The following ARHGEF3 variants were observed in gnomAD, a reference collection of about 807,000 sequenced individuals.
ARHGEF3 encodes 59.8 kDA protein.
Under a neutral mutation model 63.2 loss-of-function variants are expected in ARHGEF3, and 28 were observed. The observed-to-expected ratio is 0.44, with a 90% CI of 0.33 to 0.61. The LOEUF is 0.61. Ranked by LOEUF, ARHGEF3 falls within the 20% of genes least tolerant of loss-of-function variation. ARHGEF3 has a pLI of 0.03. For missense variants in ARHGEF3, 533 were observed against 659.3 expected (o/e 0.81, Z 2.10); for synonymous variants, 266 against 254.2 (o/e 1.05, Z -0.44).
chr3:56,916,359 T>A (rs1304564867), intron 3 of ARHGEF3: 1 of 1,534,798 alleles, frequency 6.5e-7, no homozygotes, highest in South Asian at 1.2e-5. Context: ...TCTGACCTCA[T>A]CCACCCGGAC....
rs60299557 is a variant in ARHGEF3, at chr3:56,994,064, C to CAAAA, written c.63-35179_63-35176dup. 9.2e-4 allele frequency among the ~76,000 whole-genome samples: 55 copies of CAAAA among 59,702 alleles called. 9 individuals carry two copies. The highest frequency in any genetic ancestry group is 2.0e-3 in the African/African-American group (30 of 14,976). The allele number at this position is 59,702 out of a possible 152,430, so 39.2% of individuals were successfully genotyped here. A position where few individuals can be genotyped will look rare whatever the true frequency, so the allele number is the denominator to read the frequency against. On this transcript the variant is annotated intron_variant, in intron 2 of 12. Transcript: ENST00000338458. ...GGGCGACAAGAGTGAAACTTCGTCT[C>CAAAA]AAAAAAAAAAAAAAAAAAAAAGCAC...
chr3:56,890,631 G>A (rs1011498459), intron 3 of ARHGEF3, among the ~76,000 whole-genome samples: 2 of 152,150 alleles, frequency 1.3e-5, no homozygotes, highest in African/African-American at 4.8e-5. Context: ...AGGTCCCAGA[G>A]GACTATCCAC....
chr3:56,920,631 T>C (rs2042101980), intron 3 of ARHGEF3, among the ~76,000 whole-genome samples: 1 of 152,214 alleles, frequency 6.6e-6, no homozygotes, highest in Non-Finnish European at 1.5e-5. Flanking sequence ...TATTTGTACT[T>C]AACAAGCCAG....
intron 2 of ARHGEF3, among the ~76,000 whole-genome samples, chr3:57,017,696 G>A (rs1237376781): frequency 6.6e-6 from 1 of 152,174 alleles, no homozygotes. Flanking sequence ...TTCCCACGAT[G>A]TCGTCACGGC....
At chr3:56,944,137 C>T (rs1220226960) in intron 3 of ARHGEF3, among the ~76,000 whole-genome samples, 1 of 152,190 alleles carries the variant, frequency 6.6e-6, no homozygotes, top group African/African-American at 2.4e-5. Flanking sequence ...CACTCCACTG[C>T]ACTCCAGCAT....
intron 3 of ARHGEF3, among the ~76,000 whole-genome samples, chr3:56,952,127 G>A (rs565186634): frequency 2.6e-5 from 4 of 152,146 alleles, no homozygotes; most frequent in African/African-American, 9.7e-5. Context: ...TCAAGAGAGA[G>A]ATCATCTGAG....
At chr3:56,794,669 C>T (rs1035501691) in intron 1 of ARHGEF3, among the ~76,000 whole-genome samples, 6 of 152,080 alleles carry the variant, frequency 3.9e-5, no homozygotes, top group African/African-American at 1.4e-4. Context: ...TAAGGATGCT[C>T]AAGTCCATGA....
intron 2 of ARHGEF3, among the ~76,000 whole-genome samples, chr3:56,980,495 G>A (rs1701284714): frequency 6.6e-6 from 1 of 152,206 alleles, no homozygotes; most frequent in South Asian, 2.1e-4. Flanking sequence ...CTCATTGTGG[G>A]TCGGGACCAT....
intron 3 of ARHGEF3, among the ~76,000 whole-genome samples, chr3:56,910,939 G>A (rs888089098): frequency 6.6e-6 from 1 of 152,154 alleles, no homozygotes; most frequent in Non-Finnish European, 1.5e-5. Flanking sequence ...GGCCCAGAGA[G>A]GTAAGGAACT....
intron 4 of ARHGEF3, among the ~76,000 whole-genome samples, chr3:56,827,410 G>C (rs1399549466): frequency 6.6e-6 from 1 of 152,162 alleles, no homozygotes; most frequent in Non-Finnish European, 1.5e-5. Context: ...GAGTGGTCCA[G>C]GTTTAAATCT....
intron 8 of ARHGEF3, among the ~76,000 whole-genome samples, chr3:56,732,664 C>A (rs940096367): frequency 6.6e-6 from 1 of 152,086 alleles, no homozygotes; most frequent in Non-Finnish European, 1.5e-5. Flanking sequence ...GCCCTTCTGC[C>A]TACAGACACC....
intron 2 of ARHGEF3, among the ~76,000 whole-genome samples, chr3:57,010,067 GTC>G (rs1579079233): frequency 6.6e-6 from 1 of 152,124 alleles, no homozygotes; most frequent in African/African-American, 2.4e-5. Flanking sequence ...GCTTTCTCCT[GTC>G]TCTTTTTAAC....
intron 3 of ARHGEF3, among the ~76,000 whole-genome samples, chr3:56,948,094 C>A (rs1360902263): frequency 2.0e-5 from 3 of 152,064 alleles, no homozygotes; most frequent in African/African-American, 7.2e-5. Context: ...AACAAAGACA[C>A]AACATACCAG....
intron 2 of ARHGEF3, among the ~76,000 whole-genome samples, chr3:56,987,081 G>A (rs1259058103): frequency 1.3e-5 from 2 of 152,060 alleles, no homozygotes; most frequent in Non-Finnish European, 2.9e-5. Flanking sequence ...GCATGGTGAT[G>A]CATGCCTGTA....
intron 1 of ARHGEF3, among the ~76,000 whole-genome samples, chr3:56,785,211 C>G (rs2036744863): frequency 6.6e-6 from 1 of 152,142 alleles, no homozygotes. Context: ...ATATTCCTGC[C>G]TTCCTTTTCT....
chr3:57,014,744 G>GC (rs1702909762), intron 2 of ARHGEF3, among the ~76,000 whole-genome samples: 1 of 151,054 alleles, frequency 6.6e-6, no homozygotes, highest in African/African-American at 2.4e-5. Context: ...GCAGTGGCGT[G>GC]ATGTCAGCTC....
intron 2 of ARHGEF3, among the ~76,000 whole-genome samples, chr3:57,002,479 T>TTATATATGTTA (rs1702251138): frequency 7.6e-5 from 3 of 39,466 alleles, no homozygotes; most frequent in African/African-American, 4.5e-4. Flanking sequence ...TATATATATG[T>TTATATATGTTA]TATATATATA....
chr3:56,832,979 G>A (rs910930849), intron 4 of ARHGEF3, among the ~76,000 whole-genome samples: 1 of 152,188 alleles, frequency 6.6e-6, no homozygotes. Flanking sequence ...TATGGTTGAA[G>A]AATATTCCCT....
At chr3:56,839,201 T>C (rs2039227663) in intron 4 of ARHGEF3, among the ~76,000 whole-genome samples, 1 of 152,168 alleles carries the variant, frequency 6.6e-6, no homozygotes, top group African/African-American at 2.4e-5. Context: ...AATATCCATT[T>C]ACATAACCAG....
Sources: allele counts gnomAD v4.1 joint callset (sites outside exome capture counted in the v4.1 genomes callset), GRCh38; gene constraint gnomAD v4.1.1; transcripts MANE v1.5; gene names NCBI Gene and HGNC (gene_info 2026-07-23, HGNC 2026-07-21).